CERS6: variants seen among roughly 807,000 people sequenced by gnomAD.
CERS6 encodes the protein LAG1 homolog, ceramide synthase 6.
In CERS6, 26 loss-of-function variants were observed where a neutral mutation model predicts 56.8. The ratio of observed to expected loss-of-function variants is 0.46; its 90% confidence interval spans 0.34 to 0.63. The LOEUF (loss-of-function observed/expected upper bound fraction) is 0.63, where lower values mean the gene tolerates loss of function less well. Ranked by LOEUF, CERS6 falls within the 30% of genes least tolerant of loss-of-function variation. The pLI, the probability that CERS6 is intolerant of heterozygous loss-of-function variation, is 0.01. For synonymous variants in CERS6, 164 were observed against 173.3 expected, an observed-to-expected ratio of 0.95 and a Z score of 0.42; for missense variants, 415 against 467.5, an observed-to-expected ratio of 0.89 and a Z score of 1.04.
At chr2:168,672,959 A>G (rs1305858958) in intron 4 of CERS6, among the ~76,000 whole-genome samples, 1 of 152,252 alleles carries the variant, frequency 6.6e-6, no homozygotes, top group East Asian at 1.9e-4. Context: ...AACTCAAAGG[A>G]TAATTTCTCT....
intron 2 of CERS6, among the ~76,000 whole-genome samples, chr2:168,551,374 T>C (rs957243445): frequency 1.3e-5 from 2 of 152,168 alleles, no homozygotes; most frequent in Admixed American, 6.5e-5. Context: ...CAATTAGAAG[T>C]CTTGGTGTTT....
At chr2:168,761,760 C>CT in intron 8 of CERS6, among the ~76,000 whole-genome samples, 1 of 152,222 alleles carries the variant, frequency 6.6e-6, no homozygotes, top group East Asian at 1.9e-4. Context: ...AGAGTTGAGC[C>CT]TTGTTGTCCC....
Position 168,513,916 on chromosome 2 carries a change from A to T in CERS6, c.171-33680A>T, listed in dbSNP as rs150180627. Among the ~76,000 whole-genome samples, 277 of 152,254 alleles carry T rather than the reference A, an allele frequency of 1.8e-3. 2 individuals are homozygous for T. Among genetic ancestry groups the T allele is most frequent in the African/African-American group, 6.4e-3 (267 of 41,536 alleles). ...CTTCCAAATCTCACCACCTCCCCTC[A>T]GCTTTGCCTTCTCTTCGTCCCTATT... On this transcript the variant is annotated intron_variant, in intron 1 of 9. Coordinates refer to ENST00000305747, the MANE Select transcript of CERS6 (RefSeq NM_203463.3).
chr2:168,749,777 T>C, intron 8 of CERS6, among the ~76,000 whole-genome samples: 1 of 152,188 alleles, frequency 6.6e-6, no homozygotes. Context: ...TCCACAAGGC[T>C]TCTTGGCTTT....
At chr2:168,458,025 C>T (rs1366313310) in intron 1 of CERS6, among the ~76,000 whole-genome samples, 1 of 152,124 alleles carries the variant, frequency 6.6e-6, no homozygotes, top group Non-Finnish European at 1.5e-5. Context: ...AAAAAAGTCA[C>T]AGCAGTGCTG....
At chr2:168,517,542 TA>T (rs959851382) in intron 1 of CERS6, among the ~76,000 whole-genome samples, 115 of 149,332 alleles carry the variant, frequency 7.7e-4, no homozygotes, top group Middle Eastern at 3.4e-3. Flanking sequence ...AAATAAACAT[TA>T]AAAAAAAAGT....
chr2:168,540,272 T>A (rs557513872), intron 1 of CERS6, among the ~76,000 whole-genome samples: 2 of 152,230 alleles, frequency 1.3e-5, no homozygotes, highest in East Asian at 3.9e-4. Context: ...AAGATTATGA[T>A]TACTGTACCT....
intron 8 of CERS6, among the ~76,000 whole-genome samples, chr2:168,745,761 G>A (rs142176066): frequency 7.1e-4 from 108 of 152,258 alleles, no homozygotes; most frequent in African/African-American, 2.4e-3. Context: ...AGTGTAGAAT[G>A]TCCATCTCCC....
At chr2:168,558,482 G>A (rs754003448) in intron 2 of CERS6, among the ~76,000 whole-genome samples, 4 of 152,126 alleles carry the variant, frequency 2.6e-5, no homozygotes, top group Non-Finnish European at 4.4e-5. Context: ...CCCAAAGCCC[G>A]GACAAATGTC....
At chr2:168,757,066 A>G (rs777174885) in intron 8 of CERS6, among the ~76,000 whole-genome samples, 1 of 152,214 alleles carries the variant, frequency 6.6e-6, no homozygotes, top group Non-Finnish European at 1.5e-5. Flanking sequence ...GGGCAAAATG[A>G]AGCAATATAT....
chr2:168,729,874 T>G (rs1683469878), intron 8 of CERS6, among the ~76,000 whole-genome samples: 1 of 152,248 alleles, frequency 6.6e-6, no homozygotes, highest in Non-Finnish European at 1.5e-5. Flanking sequence ...TTTATCGATC[T>G]GCTTATCACA....
chr2:168,590,813 A>G (rs1211265754), intron 3 of CERS6, among the ~76,000 whole-genome samples: 2 of 152,208 alleles, frequency 1.3e-5, no homozygotes, highest in East Asian at 1.9e-4. Flanking sequence ...CTCATTTTAT[A>G]GACAAGGAAA....
At chr2:168,703,621 C>G (rs959288133) in intron 6 of CERS6, among the ~76,000 whole-genome samples, 1 of 152,066 alleles carries the variant, frequency 6.6e-6, no homozygotes, top group Non-Finnish European at 1.5e-5. Context: ...TCAGCATATC[C>G]TTTCTTTGCT....
At position 168,513,935 on chromosome 2, in the gene CERS6, C is replaced by T. The variant is rs1451511869; in HGVS notation, c.171-33661C>T. Reference sequence around the variant, plus strand: ...CCCCTCAGCTTTGCCTTCTCTTCGTCCCTATTCTGCTGCTCCCTAGGAAGT... The same window carrying T: ...CCCCTCAGCTTTGCCTTCTCTTCGTTCCTATTCTGCTGCTCCCTAGGAAGT... On this transcript the variant is annotated intron_variant, in intron 1 of 9. Transcript: ENST00000305747. 1.3e-4 allele frequency among the ~76,000 whole-genome samples: 20 copies of T among 152,142 alleles called. 1 individual carries two copies. The highest frequency in any genetic ancestry group is 1.3e-3 in the Admixed American group (20 of 15,264).
intron 1 of CERS6, among the ~76,000 whole-genome samples, chr2:168,515,021 T>G (rs1010893944): frequency 6.6e-6 from 1 of 152,208 alleles, no homozygotes; most frequent in Non-Finnish European, 1.5e-5. Context: ...CATGCATATG[T>G]GTGTAATGAG....
chr2:168,519,897 C>T (rs989605730), intron 1 of CERS6, among the ~76,000 whole-genome samples: 6 of 152,158 alleles, frequency 3.9e-5, no homozygotes, highest in Admixed American at 3.9e-4. Flanking sequence ...CATACAAGTG[C>T]AGGTGTCTTT....
At chr2:168,738,464 C>G (rs1683782170) in intron 8 of CERS6, among the ~76,000 whole-genome samples, 1 of 152,202 alleles carries the variant, frequency 6.6e-6, no homozygotes, top group East Asian at 1.9e-4. Context: ...TTTTTTAACA[C>G]TGTTGTAGAT....
At chr2:168,654,118 T>A (rs1685411565) in intron 4 of CERS6, among the ~76,000 whole-genome samples, 1 of 152,208 alleles carries the variant, frequency 6.6e-6, no homozygotes, top group African/African-American at 2.4e-5. Context: ...TATAAGTTGA[T>A]ATAGTAATAT....
intron 3 of CERS6, among the ~76,000 whole-genome samples, chr2:168,586,649 T>G (rs1683549655): frequency 6.6e-6 from 1 of 152,162 alleles, no homozygotes; most frequent in Non-Finnish European, 1.5e-5. Flanking sequence ...GTCCATAAGT[T>G]TCACACGTTG....
Sources: gnomAD v4.1 joint callset for allele counts (sites outside exome capture counted in the v4.1 genomes callset) on GRCh38, gnomAD v4.1.1 for gene constraint, MANE v1.5 for transcripts, NCBI Gene and HGNC (gene_info 2026-07-23, HGNC 2026-07-21) for gene names.